Variants in RAB31 observed in about 807,000 individuals in gnomAD.
The protein encoded by RAB31 is RAB31, member RAS oncogene family.
A neutral mutation model predicts 25.6 loss-of-function variants in RAB31; 21 were observed. The observed-to-expected ratio is 0.82, with a 90% CI of 0.58 to 1.18. RAB31 has a LOEUF of 1.18. Ranked by LOEUF, RAB31 falls within the 50% of genes most tolerant of loss-of-function variation. The pLI is 0.00. For synonymous variants in RAB31, 87 were observed against 84.0 expected, an observed-to-expected ratio of 1.04 and a Z score of -0.20; for missense variants, 196 against 250.1, an observed-to-expected ratio of 0.78 and a Z score of 1.46.
intron 3 of RAB31, among the ~76,000 whole-genome samples, chr18:9,804,498 C>T (rs937998430): frequency 2.6e-5 from 4 of 152,076 alleles, no homozygotes; most frequent in African/African-American, 7.2e-5. Flanking sequence ...GTGGATTTGC[C>T]GAGAATCTAA....
chr18:9,749,526 T>C (rs773680059), intron 1 of RAB31, among the ~76,000 whole-genome samples: 2 of 152,226 alleles, frequency 1.3e-5, no homozygotes, highest in Admixed American at 6.5e-5. Flanking sequence ...ATAGCTTCTA[T>C]GTTTTGCTGT....
rs2068596384 is a variant in RAB31 at position 9,815,351 on chromosome 18, C to T, written c.380+129C>T. The T allele has an allele frequency of 2.0e-5, 4 of 201,230 alleles. 1 individual carries two copies. The highest frequency in any genetic ancestry group is 1.8e-4 in the Admixed American group (2 of 10,858). 12.5% of individuals were successfully genotyped at this position (201,230 alleles called of 1,614,324 possible). A position where few individuals can be genotyped will look rare whatever the true frequency, so the allele number is the denominator to read the frequency against. On this transcript the variant is annotated intron_variant, in intron 5 of 6. Transcript: ENST00000578921. ...CTGTCCTCCATCCCTGAGTGTCATCCGTGTAGATGCTGTCCTCCATCCCTG... is the reference window on the plus strand; with the variant it reads ...CTGTCCTCCATCCCTGAGTGTCATCTGTGTAGATGCTGTCCTCCATCCCTG...
chr18:9,751,108 C>T (rs538653114), intron 1 of RAB31, among the ~76,000 whole-genome samples: 3 of 152,092 alleles, frequency 2.0e-5, no homozygotes, highest in Non-Finnish European at 4.4e-5. Flanking sequence ...GATCATAGCT[C>T]ACTGCAACCT....
intron 5 of RAB31, among the ~76,000 whole-genome samples, chr18:9,829,051 A>T (rs2068664198): frequency 6.6e-6 from 1 of 152,202 alleles, no homozygotes; most frequent in Non-Finnish European, 1.5e-5. Context: ...CATCAAAGGC[A>T]TCTGGAATCT....
intron 3 of RAB31, chr18:9,797,464 CA>C (rs1184179074): frequency 6.6e-6 from 1 of 152,188 alleles, no homozygotes; most frequent in East Asian, 1.9e-4. Flanking sequence ...GCCCTCCTCG[CA>C]AAAGCACTTT....
chr18:9,774,409 C>G (rs2068361502), intron 1 of RAB31, among the ~76,000 whole-genome samples: 1 of 152,136 alleles, frequency 6.6e-6, no homozygotes, highest in African/African-American at 2.4e-5. Flanking sequence ...TTCAACTGAT[C>G]TGTTTTCAGC....
intron 6 of RAB31, among the ~76,000 whole-genome samples, chr18:9,849,245 C>T (rs2068776589): frequency 6.6e-6 from 1 of 152,078 alleles, no homozygotes; most frequent in Non-Finnish European, 1.5e-5. Context: ...ATTGATTCTC[C>T]AAGCGTTTAG....
intron 1 of RAB31, among the ~76,000 whole-genome samples, chr18:9,733,093 G>A (rs1162076606): frequency 2.6e-5 from 4 of 152,198 alleles, no homozygotes; most frequent in Admixed American, 6.5e-5. Flanking sequence ...TTTCCACTGC[G>A]CACAGCACTT....
At chr18:9,832,141 A>C (rs371749696) in intron 5 of RAB31, among the ~76,000 whole-genome samples, 1 of 152,324 alleles carries the variant, frequency 6.6e-6, no homozygotes. Context: ...AGTGAGAAGA[A>C]GGGAAGAACT....
rs139845007 is a variant in RAB31 at position 9,757,389 on chromosome 18, G to A, written c.40-17889G>A. ...CTCTACACCCTACATTGGGAGGACC[G>A]CTGTTGGGAGAAGAGTCAGACACAG... On this transcript the variant is annotated intron_variant, in intron 1 of 6. Coordinates refer to ENST00000578921, the MANE Select transcript of RAB31 (RefSeq NM_006868.4). Among the ~76,000 whole-genome samples, 18 of 152,316 alleles carry A rather than the reference G, an allele frequency of 1.2e-4. No individual in the cohort carries two copies. The East Asian group carries it at 1.7e-3, about 15-fold the overall frequency.
chr18:9,852,664 T>A (rs1343654426), intron 6 of RAB31, among the ~76,000 whole-genome samples: 2 of 152,188 alleles, frequency 1.3e-5, no homozygotes, highest in Non-Finnish European at 2.9e-5. Context: ...CACCTAGCAT[T>A]TGGATTGTTT....
At chr18:9,818,168 G>A (rs886244400) in intron 5 of RAB31, among the ~76,000 whole-genome samples, 2 of 152,222 alleles carry the variant, frequency 1.3e-5, no homozygotes, top group Non-Finnish European at 2.9e-5. Flanking sequence ...AGAAAGACTA[G>A]TTGGACACTA....
At chr18:9,710,411 C>G (rs1012614183) in intron 1 of RAB31, among the ~76,000 whole-genome samples, 2 of 152,188 alleles carry the variant, frequency 1.3e-5, no homozygotes, top group Non-Finnish European at 2.9e-5. Flanking sequence ...CTTCTTTTAT[C>G]TCCAAGAAAG....
chr18:9,759,755 A>G (rs2068278400), intron 1 of RAB31, among the ~76,000 whole-genome samples: 1 of 152,104 alleles, frequency 6.6e-6, no homozygotes, highest in African/African-American at 2.4e-5. Flanking sequence ...GGGCCTCTCA[A>G]CTTGAATGGA....
intron 2 of RAB31, chr18:9,787,704 C>T (rs1477154453): frequency 6.5e-6 from 1 of 153,306 alleles, no homozygotes; most frequent in African/African-American, 2.4e-5. Context: ...TTATGGCAAA[C>T]CCTTCATCGT....
At chr18:9,775,151 C>T in intron 1 of RAB31, 127 bp from the exon 2 acceptor site, 3 of 1,448,586 alleles carry the variant, frequency 2.1e-6, no homozygotes, top group Non-Finnish European at 2.8e-6. Context: ...TCCCCCCACT[C>T]CCTCTCCCAG....
Position 9,839,534 on chromosome 18 carries a change from G to A in RAB31, c.381-6048G>A, listed in dbSNP as rs79868999. Among the ~76,000 whole-genome samples the A allele has an allele frequency of 9.1e-3, 1,382 of 152,220 alleles. 17 individuals carry two copies. Among genetic ancestry groups the A allele is most frequent in the African/African-American group, 0.031 (1,303 of 41,472 alleles). On this transcript the variant is annotated intron_variant, in intron 5 of 6. Transcript: ENST00000578921. ...CGAAGAGGGGGTGACTGCAGCAGAG[G>A]CAGCGGATTGGCAGTGAGGCTGGAA...
intron 3 of RAB31, among the ~76,000 whole-genome samples, chr18:9,797,677 C>G (rs1310599609): frequency 6.6e-6 from 1 of 152,150 alleles, no homozygotes; most frequent in Non-Finnish European, 1.5e-5. Flanking sequence ...TATCCAAACT[C>G]CCACTACCCA....
chr18:9,782,249 G>A (rs1191379567), intron 2 of RAB31, among the ~76,000 whole-genome samples: 2 of 152,196 alleles, frequency 1.3e-5, no homozygotes, highest in African/African-American at 2.4e-5. Context: ...CCTTCTTGGC[G>A]GTAACCCTGC....
Sources: allele counts gnomAD v4.1 joint callset (sites outside exome capture counted in the v4.1 genomes callset), GRCh38; gene constraint gnomAD v4.1.1; transcripts MANE v1.5; gene names NCBI Gene and HGNC (gene_info 2026-07-23, HGNC 2026-07-21).